TENM4: variants seen among roughly 807,000 people sequenced by gnomAD.
The protein encoded by TENM4 is teneurin transmembrane protein 4, also known as teneurin-4.
In TENM4, 82 loss-of-function variants were observed where a neutral mutation model predicts 243.3. That is an observed-to-expected ratio of 0.34 (90% CI 0.28 to 0.40). The LOEUF is 0.40. Among genes scored for constraint, TENM4 ranks in the 10% least tolerant of loss-of-function variants. TENM4 has a pLI of 1.00. For missense variants in TENM4, 3,138 were observed against 3,673.3 expected (o/e 0.85, Z 3.77); for synonymous variants, 1,412 against 1,456.3 (o/e 0.97, Z 0.69).
intron 1 of TENM4, among the ~76,000 whole-genome samples, chr11:79,307,697 T>G (rs1303967976): frequency 6.6e-6 from 1 of 151,962 alleles, no homozygotes; most frequent in Non-Finnish European, 1.5e-5. Context: ...CCTCAAACAC[T>G]CCATTCTGCG....
chr11:79,168,910 T>A (rs1424405640), intron 3 of TENM4, among the ~76,000 whole-genome samples: 1 of 152,208 alleles, frequency 6.6e-6, no homozygotes, highest in Non-Finnish European at 1.5e-5. Flanking sequence ...CCCAGGCTAG[T>A]TTACTGGATG....
At chr11:79,408,559 T>G (rs1319658075) in intron 1 of TENM4, among the ~76,000 whole-genome samples, 1 of 152,214 alleles carries the variant, frequency 6.6e-6, no homozygotes, top group Non-Finnish European at 1.5e-5. Flanking sequence ...CCCAAATACC[T>G]GGCATATACA....
At position 79,254,532 on chromosome 11, in the gene TENM4, G is replaced by A. The variant is rs504563; in HGVS notation, c.-264-38623C>T. Among the ~76,000 whole-genome samples, 759 of 152,242 alleles carry A rather than the reference G, an allele frequency of 5.0e-3. 6 individuals carry two copies. The highest frequency in any genetic ancestry group is 6.8e-3 in the Middle Eastern group (2 of 294). On this transcript the variant is annotated intron_variant, in intron 2 of 33. Coordinates refer to ENST00000278550, the MANE Select transcript of TENM4 (RefSeq NM_001098816.3). ...GCTAAGGAGCTAAGACAAGTCACGC[G>A]TTCTTTTCTGACTTTCTGGACTCTG...
chr11:78,996,942 C>T (rs982016959), intron 6 of TENM4, among the ~76,000 whole-genome samples: 2 of 152,080 alleles, frequency 1.3e-5, no homozygotes, highest in Non-Finnish European at 2.9e-5. Flanking sequence ...TGTGAAGGTG[C>T]CAAAGAAGAG....
At chr11:78,903,654 C>T (rs1171751546) in intron 6 of TENM4, 131 bp from the exon 7 acceptor site, 1 of 1,362,014 alleles carries the variant, frequency 7.3e-7, no homozygotes, top group Non-Finnish European at 1.0e-6. Flanking sequence ...TGCAGTCAAT[C>T]AGTAATTACA....
intron 1 of TENM4, among the ~76,000 whole-genome samples, chr11:79,341,714 T>A (rs943358524): frequency 5.3e-5 from 8 of 152,180 alleles, no homozygotes; most frequent in Non-Finnish European, 1.0e-4. Context: ...TGAATTCTTG[T>A]GTGAAGGATG....
intron 2 of TENM4, 83 bp downstream of exon 2, chr11:79,297,405 G>A (rs1407534385): frequency 1.3e-5 from 2 of 152,620 alleles, no homozygotes; most frequent in Non-Finnish European, 2.9e-5. Context: ...TCACAAGCCT[G>A]GGACAATGGG....
intron 14 of TENM4, among the ~76,000 whole-genome samples, chr11:78,809,208 C>T (rs1857446609): frequency 6.6e-6 from 1 of 152,178 alleles, no homozygotes; most frequent in East Asian, 1.9e-4. Flanking sequence ...GTGAATCCTA[C>T]ACTCCCAGCA....
chr11:78,756,954 G>A lies in TENM4; in HGVS notation c.2607C>T (p.Cys869=). ...LQPLCHINPL[C]LGSPNPLDII... ...TGTCCAGAGGGTTAGGGGAGCCAAGGCACAGCGGGTTGATATGGCACAGGG... is the reference window on the plus strand; with the variant it reads ...TGTCCAGAGGGTTAGGGGAGCCAAGACACAGCGGGTTGATATGGCACAGGG... The change falls in exon 19 of 34, where the codon TGC becomes TGT. Residue 869 remains cysteine (C), a synonymous_variant. Coordinates refer to ENST00000278550, the MANE Select transcript of TENM4 (RefSeq NM_001098816.3). 2 of 1,613,996 alleles carry A rather than the reference G, an allele frequency of 1.2e-6. No homozygotes were observed. Among genetic ancestry groups the A allele is most frequent in the Non-Finnish European group, 1.7e-6 (2 of 1,179,896 alleles).
At chr11:79,128,571 T>C (rs1211492300) in intron 4 of TENM4, among the ~76,000 whole-genome samples, 1 of 152,154 alleles carries the variant, frequency 6.6e-6, no homozygotes, top group Non-Finnish European at 1.5e-5. Context: ...CTATGATCAG[T>C]TGACAGAAGA....
intron 3 of TENM4, among the ~76,000 whole-genome samples, chr11:79,170,844 G>T (rs2508240): frequency 0.35 from 53,903 of 151,926 alleles, 9,970 homozygotes; most frequent in African/African-American, 0.44. Flanking sequence ...AGTAGGAGCC[G>T]GAGAGACCTT....
chr11:79,382,307 C>T (rs1469698375), intron 1 of TENM4, among the ~76,000 whole-genome samples: 1 of 152,164 alleles, frequency 6.6e-6, no homozygotes. Context: ...GAACACCCTT[C>T]CTTAACCTGG....
chr11:79,419,631 C>T lies in TENM4; in HGVS notation c.-321+20878G>A, dbSNP rs887581973. Among the ~76,000 whole-genome samples the T allele has an allele frequency of 1.9e-4, 29 of 152,296 alleles. 1 individual carries two copies. The highest frequency in any genetic ancestry group is 5.2e-4 in the Admixed American group (8 of 15,294). On this transcript the variant is annotated intron_variant, in intron 1 of 33. Coordinates refer to ENST00000278550, the MANE Select transcript of TENM4 (RefSeq NM_001098816.3). ...GAGGCCAGTTACCAGCCATGGGTCACGTTGCTTGACATTTCCTAGTTTCAT... is the reference window on the plus strand; with the variant it reads ...GAGGCCAGTTACCAGCCATGGGTCATGTTGCTTGACATTTCCTAGTTTCAT...
chr11:79,322,677 A>C (rs1011099606), intron 1 of TENM4, among the ~76,000 whole-genome samples: 8 of 152,226 alleles, frequency 5.3e-5, no homozygotes, highest in African/African-American at 1.7e-4. Context: ...AGGTAATCAA[A>C]ATTGAGCTTT....
chr11:78,876,168 C>T (rs1367883994), intron 9 of TENM4, among the ~76,000 whole-genome samples: 1 of 152,130 alleles, frequency 6.6e-6, no homozygotes, highest in Non-Finnish European at 1.5e-5. Context: ...CAAGGAAATG[C>T]AGTTAATAAT....
intron 6 of TENM4, among the ~76,000 whole-genome samples, chr11:79,036,287 G>C (rs993172585): frequency 6.6e-6 from 1 of 152,212 alleles, no homozygotes; most frequent in African/African-American, 2.4e-5. Context: ...TAAACTCCAC[G>C]ATGAGTGTTG....
Position 79,238,422 on chromosome 11 carries a change from G to A in TENM4, c.-264-22513C>T, listed in dbSNP as rs75199837. 7.1e-3 allele frequency among the ~76,000 whole-genome samples: 1,088 copies of A among 152,242 alleles called. 52 individuals are homozygous for A. The East Asian group carries it at 0.12, about 16-fold the overall frequency. On this transcript the variant is annotated intron_variant, in intron 2 of 33. Transcript: ENST00000278550. ...ACCTGAATAGAACAAAAAGGCAGAG[G>A]GAGGGTGAATTTGCTCTGTGCTTGT... is the stretch of plus-strand genomic sequence containing the variant.
At chr11:79,146,797 C>G (rs942678419) in intron 4 of TENM4, among the ~76,000 whole-genome samples, 1 of 152,058 alleles carries the variant, frequency 6.6e-6, no homozygotes, top group African/African-American at 2.4e-5. Context: ...AAGGCGAAAA[C>G]TGTACCACTC....
At chr11:79,289,108 A>T (rs1351602812) in intron 2 of TENM4, among the ~76,000 whole-genome samples, 1 of 152,220 alleles carries the variant, frequency 6.6e-6, no homozygotes, top group East Asian at 1.9e-4. Context: ...CACCATCAAT[A>T]AATGTTTCCT....
Sources: gnomAD v4.1 joint callset for allele counts (sites outside exome capture counted in the v4.1 genomes callset) on GRCh38, gnomAD v4.1.1 for gene constraint, MANE v1.5 for transcripts, NCBI Gene and HGNC (gene_info 2026-07-23, HGNC 2026-07-21) for gene names.